NRG3: variants seen among roughly 807,000 people sequenced by gnomAD.
NRG3 encodes the protein pro-neuregulin-3, membrane-bound isoform.
NRG3 carries 31 observed loss-of-function variants against 66.9 expected under a neutral mutation model. The observed-to-expected ratio is 0.46, with a 90% confidence interval of 0.35 to 0.63. NRG3 has a LOEUF of 0.63. Ranked by LOEUF, NRG3 falls within the 20% of genes least tolerant of loss-of-function variation. The probability of loss-of-function intolerance (pLI) is 0.00; values close to 1 mark genes in which losing one functional copy is unlikely to be tolerated. For missense variants in NRG3, 910 were observed against 878.9 expected (o/e 1.04, Z -0.45); for synonymous variants, 393 against 359.4 (o/e 1.09, Z -1.06).
intron 2 of NRG3, among the ~76,000 whole-genome samples, chr10:82,377,831 A>G (rs1404239490): frequency 1.3e-5 from 2 of 152,316 alleles, no homozygotes; most frequent in Admixed American, 6.5e-5. Flanking sequence ...GATTTCTGCA[A>G]ATAACGTTTA....
chr10:82,030,013 A>G (rs2132867533), intron 1 of NRG3, among the ~76,000 whole-genome samples: 1 of 152,262 alleles, frequency 6.6e-6, no homozygotes, highest in South Asian at 2.1e-4. Flanking sequence ...GCCCGCAGTC[A>G]CAAATACGAG....
rs536921975 is a variant in NRG3 at position 81,994,341 on chromosome 10, A to G, written c.823+118178A>G. On this transcript the variant is annotated intron_variant, in intron 1 of 8. Coordinates refer to ENST00000372141, the MANE Select transcript of NRG3 (RefSeq NM_001010848.4). ...TTTTCTATTTATGATTTAAATTGCCATTATTATATATAAAACATCTGTTTG... is the reference window on the plus strand; with the variant it reads ...TTTTCTATTTATGATTTAAATTGCCGTTATTATATATAAAACATCTGTTTG... Among the ~76,000 whole-genome samples, 10 of 152,222 alleles carry G rather than the reference A, an allele frequency of 6.6e-5. No individual in the cohort carries two copies. The South Asian group carries it at 1.2e-3, about 19-fold the overall frequency.
At chr10:82,701,040 C>A (rs1216466538) in intron 2 of NRG3, among the ~76,000 whole-genome samples, 2 of 151,698 alleles carry the variant, frequency 1.3e-5, no homozygotes, top group East Asian at 3.9e-4. Flanking sequence ...AGGAGAAACT[C>A]TATATTATAA....
At chr10:82,611,111 A>T (rs2048286499) in intron 2 of NRG3, among the ~76,000 whole-genome samples, 1 of 152,080 alleles carries the variant, frequency 6.6e-6, no homozygotes, top group South Asian at 2.1e-4. Flanking sequence ...CATCTCCATA[A>T]TAAATGATGA....
chr10:82,118,988 C>T, intron 1 of NRG3, among the ~76,000 whole-genome samples: 1 of 152,162 alleles, frequency 6.6e-6, no homozygotes, highest in East Asian at 1.9e-4. Context: ...TGCTTAAAGG[C>T]AAGTTGTGAA....
At chr10:82,016,248 A>G (rs1427823131) in intron 1 of NRG3, among the ~76,000 whole-genome samples, 1 of 152,084 alleles carries the variant, frequency 6.6e-6, no homozygotes, top group Non-Finnish European at 1.5e-5. Context: ...AGCCCATAGA[A>G]TGTGCTTTTA....
chr10:81,875,488 C>G lies in NRG3; in HGVS notation c.148C>G (p.Arg50Gly). 6.7e-7 allele frequency: 1 copy of G among 1,500,638 alleles called. No individual in the cohort carries two copies. 93.0% of individuals were successfully genotyped at this position (1,500,638 alleles called of 1,614,324 possible). The change falls in exon 1 of 9, where the codon CGG becomes GGG. Residue 50 changes from arginine to glycine, a missense_variant. Arg to Gly is a moderately radical substitution (Grantham distance 125, BLOSUM62 -2). Coordinates refer to ENST00000372141, the MANE Select transcript of NRG3 (RefSeq NM_001010848.4). This position sits in a 1 kb window ranked among gnomAD's most constrained non-coding sequence, Gnocchi z 5.3. ...GGGEGAAEPPRELRCSDCIVW... is the reference protein window; with the variant it reads ...GGGEGAAEPPGELRCSDCIVW... ...CGGCGAAGGGGCGGCCGAGCCCCCC[C>G]GGGAGTTACGCTGTAGCGACTGCAT...
At chr10:82,235,865 G>A (rs980350925) in intron 1 of NRG3, among the ~76,000 whole-genome samples, 33 of 152,082 alleles carry the variant, frequency 2.2e-4, no homozygotes, top group African/African-American at 7.2e-4. Context: ...GAATGAGTCC[G>A]CATTATGCCT....
intron 1 of NRG3, among the ~76,000 whole-genome samples, chr10:81,969,780 T>A (rs867717018): frequency 4.0e-5 from 6 of 151,448 alleles, no homozygotes; most frequent in African/African-American, 1.2e-4. Flanking sequence ...TGAGTGTGTG[T>A]GTGTGTGTGT....
Position 82,588,708 on chromosome 10 carries a change from A to G in NRG3, c.954-149869A>G, listed in dbSNP as rs965289066. Among the ~76,000 whole-genome samples, 17 of 151,980 alleles carry G rather than the reference A, an allele frequency of 1.1e-4. No individual in the cohort carries two copies. In the East Asian group the frequency reaches 1.6e-3, roughly 14 times the overall value. Reference sequence around the variant, plus strand: ...AGTAGAGATGGGGTTTCACTGTGTTAGCCAGGATGGTCTTGATCTCCCGAC... The same window carrying G: ...AGTAGAGATGGGGTTTCACTGTGTTGGCCAGGATGGTCTTGATCTCCCGAC... On this transcript the variant is annotated intron_variant, in intron 2 of 8. Transcript: ENST00000372141.
At chr10:81,964,356 G>C (rs184410506) in intron 1 of NRG3, among the ~76,000 whole-genome samples, 1 of 134,990 alleles carries the variant, frequency 7.4e-6, no homozygotes, top group South Asian at 2.3e-4. Flanking sequence ...AGATTGCATC[G>C]CTGCACTCCA....
In NRG3 at chr10:82,651,738, G is replaced by A. The variant is rs536528936; in HGVS notation, c.954-86839G>A. ...CAACTGGGAGGTGGGGGTAATACTA[G>A]CGTGTAATGGTTGGAGGCCATGGAT... On this transcript the variant is annotated intron_variant, in intron 2 of 8. Transcript: ENST00000372141. Among the ~76,000 whole-genome samples the A allele has an allele frequency of 1.8e-4, 27 of 152,320 alleles. 1 individual carries two copies. The Middle Eastern group carries it at 0.024, about 134-fold the overall frequency.
chr10:82,856,750 AAAAAAC>A (rs1179994638), intron 3 of NRG3, among the ~76,000 whole-genome samples: 1 of 132,790 alleles, frequency 7.5e-6, no homozygotes, highest in Non-Finnish European at 1.6e-5. Context: ...TCTCAAAAAA[AAAAAAC>A]AAAAAAAAAA....
intron 2 of NRG3, among the ~76,000 whole-genome samples, chr10:82,377,455 T>C (rs112030361): frequency 0.029 from 2,878 of 97,718 alleles, 44 homozygotes; most frequent in African/African-American, 0.046. Flanking sequence ...TGTGTGTGTG[T>C]GTGCGCGAGC....
chr10:82,223,111 C>T (rs781720497), intron 1 of NRG3, among the ~76,000 whole-genome samples: 7 of 152,054 alleles, frequency 4.6e-5, no homozygotes, highest in Non-Finnish European at 5.9e-5. Flanking sequence ...AAACAGAACC[C>T]GAAACAATTC....
intron 1 of NRG3, among the ~76,000 whole-genome samples, chr10:81,967,056 TAAG>T (rs1260154679): frequency 1.3e-5 from 2 of 151,940 alleles, no homozygotes; most frequent in South Asian, 2.1e-4. Context: ...TTTATACACT[TAAG>T]GTTTTATTTT....
intron 2 of NRG3, among the ~76,000 whole-genome samples, chr10:82,535,219 C>T (rs185888567): frequency 4.5e-4 from 67 of 149,140 alleles, no homozygotes; most frequent in African/African-American, 1.4e-3. Context: ...TATATCAAAG[C>T]ATAATCTAGT....
At chr10:82,704,441 G>A (rs572049450) in intron 2 of NRG3, among the ~76,000 whole-genome samples, 1 of 152,214 alleles carries the variant, frequency 6.6e-6, no homozygotes, top group South Asian at 2.1e-4. Flanking sequence ...CCTTCATCTT[G>A]CCCACAAGGA....
chr10:82,963,552 C>T (rs1269368260), intron 6 of NRG3, among the ~76,000 whole-genome samples: 6 of 152,080 alleles, frequency 3.9e-5, no homozygotes, highest in East Asian at 1.9e-4. Context: ...CGGTGGCTGA[C>T]GCCTGTAGTC....
Sources: allele counts gnomAD v4.1 joint callset (sites outside exome capture counted in the v4.1 genomes callset), GRCh38; gene constraint gnomAD v4.1.1; non-coding constraint Gnocchi (gnomAD v3.1); transcripts MANE v1.5; gene names NCBI Gene and HGNC (gene_info 2026-07-23, HGNC 2026-07-21).